DENND5A: variants seen among roughly 807,000 people sequenced by gnomAD.
DENND5A encodes DENN domain-containing protein 5A.
A neutral mutation model predicts 140.3 loss-of-function variants in DENND5A; 64 were observed. The observed-to-expected ratio is 0.46, with a 90% confidence interval of 0.37 to 0.56. The LOEUF (loss-of-function observed/expected upper bound fraction) is 0.56, where lower values mean the gene tolerates loss of function less well. Among genes scored for constraint, DENND5A ranks in the 20% least tolerant of loss-of-function variants. The pLI, the probability that DENND5A is intolerant of heterozygous loss-of-function variation, is 0.00. For synonymous variants in DENND5A, 605 were observed against 607.7 expected (o/e 1.00, Z 0.07); for missense variants, 1,292 against 1,593.8 (o/e 0.81, Z 3.22).
At chr11:9,177,254 G>GAA (rs113043034) in intron 8 of DENND5A, among the ~76,000 whole-genome samples, 2 of 65,182 alleles carry the variant, frequency 3.1e-5, no homozygotes, top group African/African-American at 5.9e-5. Flanking sequence ...ACCCTGTCTC[G>GAA]AAAAAAAAAA....
intron 8 of DENND5A, among the ~76,000 whole-genome samples, chr11:9,173,888 A>C (rs527597464): frequency 6.6e-6 from 1 of 152,208 alleles, no homozygotes; most frequent in African/African-American, 2.4e-5. Context: ...GCGGATCACG[A>C]GGTCAGGAGA....
In DENND5A at chr11:9,144,249, C is replaced by T; in HGVS notation, c.3152G>A (p.Gly1051Asp). ...KFPCGRWLGK[G>D]MDDGSLERIL... is the part of the protein sequence containing the mutation. ...CCGCTCCAGGCTTCCATCATCCATG[C>T]CCTTCCCTAACCACCGGCCACACGG... The change falls in exon 19 of 23, where the codon GGC becomes GAC. Residue 1051 changes from glycine (G) to aspartate (D), a missense_variant. By Grantham distance (94) the Gly-to-Asp change is moderately conservative (BLOSUM62 -1). Around this residue, in one of 4 missense-constraint regions of DENND5A, gnomAD observed 498 missense variants for 689.7 expected, o/e 0.72. Transcript: ENST00000328194. 1 of 1,614,090 alleles carries T rather than the reference C, an allele frequency of 6.2e-7. No homozygotes were observed. The highest frequency in any genetic ancestry group is 8.5e-7 in the Non-Finnish European group (1 of 1,180,010).
intron 1 of DENND5A, among the ~76,000 whole-genome samples, chr11:9,215,272 C>T (rs1353712292): frequency 6.6e-6 from 1 of 152,034 alleles, no homozygotes; most frequent in Non-Finnish European, 1.5e-5. Context: ...AACTCATGTA[C>T]CTAGTATTTC....
intron 1 of DENND5A, among the ~76,000 whole-genome samples, chr11:9,256,975 C>G (rs755761888): frequency 2.0e-5 from 3 of 152,110 alleles, no homozygotes; most frequent in African/African-American, 7.2e-5. Flanking sequence ...ATCGGTGAAT[C>G]TGGTTAAGAG....
At position 9,150,106 on chromosome 11, in the gene DENND5A, G is replaced by T; in HGVS notation, c.2710C>A (p.Leu904Ile). Residue 904 changes from leucine (L) to isoleucine (I), a missense_variant, in exon 15 of 23, where the codon CTC becomes ATC. By Grantham distance (5) the Leu-to-Ile change is conservative (BLOSUM62 2). Coordinates refer to ENST00000328194, the MANE Select transcript of DENND5A (RefSeq NM_015213.4). The stretch of plus-strand genomic sequence containing the variant: ...TTGGTGAGCTCATGGTCTGAGAGGA[G>T]CTGCTTCAGGTGTCTGGAAAGTAAC... Reference protein sequence around the residue: ...KKLLSRHLKQLLSDHELTKKL... With the variant: ...KKLLSRHLKQILSDHELTKKL... 6.2e-7 allele frequency: 1 copy of T among 1,613,698 alleles called. No homozygotes were observed. The highest frequency in any genetic ancestry group is 1.1e-5 in the South Asian group (1 of 91,058).
chr11:9,256,025 C>CA lies in DENND5A; in HGVS notation c.109+8935dup, dbSNP rs1164502361. 4.7e-3 allele frequency among the ~76,000 whole-genome samples: 405 copies of CA among 86,546 alleles called. 2 individuals carry two copies. The highest frequency in any genetic ancestry group is 0.011 in the Admixed American group (89 of 7,756). 56.8% of individuals were successfully genotyped at this position (86,546 alleles called of 152,430 possible). A position where few individuals can be genotyped will look rare whatever the true frequency, so the allele number is the denominator to read the frequency against. On this transcript the variant is annotated intron_variant, in intron 1 of 22. Transcript: ENST00000328194. ...TGAGCAACACGGCGAAACTCCATCT[C>CA]AAAAAAAAAAAAAAAGGTTAAACAC... is the stretch of plus-strand genomic sequence containing the variant.
intron 12 of DENND5A, among the ~76,000 whole-genome samples, chr11:9,153,961 T>C (rs1020204036): frequency 1.3e-5 from 2 of 152,252 alleles, no homozygotes; most frequent in African/African-American, 4.8e-5. Context: ...CTAATCATCG[T>C]TCAGTACATC....
At chr11:9,263,469 G>A (rs1852297998) in intron 1 of DENND5A, among the ~76,000 whole-genome samples, 2 of 151,378 alleles carry the variant, frequency 1.3e-5, no homozygotes. Context: ...TGACCCGCCC[G>A]CCTCGGCCTC....
At position 9,169,262 on chromosome 11, in the gene DENND5A, C is replaced by T. The variant is rs566528142; in HGVS notation, c.2151+594G>A. Among the ~76,000 whole-genome samples, 20 of 152,122 alleles carry T rather than the reference C, an allele frequency of 1.3e-4. No individual in the cohort carries two copies. In the South Asian group the frequency reaches 1.9e-3, roughly 14 times the overall value. On this transcript the variant is annotated intron_variant, in intron 10 of 22. Coordinates refer to ENST00000328194, the MANE Select transcript of DENND5A (RefSeq NM_015213.4). ...AGGTGTTTGAGACCAGCCTGGCCAA[C>T]GTGGTGAAACCCCGTCTCTACTAAA... is the stretch of plus-strand genomic sequence containing the variant.
At chr11:9,255,998 C>T (rs530286103) in intron 1 of DENND5A, among the ~76,000 whole-genome samples, 43 of 147,806 alleles carry the variant, frequency 2.9e-4, no homozygotes, top group Non-Finnish European at 2.5e-4. Context: ...TGCACCCCAG[C>T]GTGAGCAACA....
At chr11:9,181,208 G>C in intron 5 of DENND5A, 124 bp from the exon 6 acceptor site, 1 of 769,290 alleles carries the variant, frequency 1.3e-6, no homozygotes, top group Non-Finnish European at 2.1e-6. Context: ...TTGAGATATG[G>C]TATAAGGAAG....
intron 15 of DENND5A, among the ~76,000 whole-genome samples, chr11:9,148,103 T>C (rs554237530): frequency 1.3e-5 from 2 of 152,308 alleles, no homozygotes; most frequent in South Asian, 4.1e-4. Flanking sequence ...GGCCATGGTA[T>C]AGGACTGCTC....
intron 1 of DENND5A, among the ~76,000 whole-genome samples, chr11:9,238,347 A>ATG (rs200720856): frequency 0.03 from 3,195 of 104,804 alleles, 110 homozygotes; most frequent in African/African-American, 0.12. Flanking sequence ...GATTAAATGC[A>ATG]TGTGTGTGTG....
chr11:9,187,374 T>C (rs1390763246), intron 5 of DENND5A, among the ~76,000 whole-genome samples: 1 of 152,192 alleles, frequency 6.6e-6, no homozygotes, highest in East Asian at 1.9e-4. Context: ...GTTAACCTCC[T>C]GCCTTGTTGA....
In DENND5A at chr11:9,180,996, T is replaced by G; in HGVS notation, c.1226A>C (p.Gln409Pro). 6.2e-7 allele frequency: 1 copy of G among 1,614,216 alleles called. No homozygotes were observed. Among genetic ancestry groups the G allele is most frequent in the Non-Finnish European group, 8.5e-7 (1 of 1,180,040 alleles). Residue 409 changes from glutamine (Q) to proline (P), a missense_variant, in exon 6 of 23, where the codon CAG (glutamine) becomes CCG (proline). Physicochemically the swap from Gln to Pro is moderately conservative, Grantham distance 76 (BLOSUM62 -1). Around this residue, in one of 4 missense-constraint regions of DENND5A, gnomAD observed 566 missense variants for 650.4 expected, o/e 0.87. Coordinates refer to ENST00000328194, the MANE Select transcript of DENND5A (RefSeq NM_015213.4). ...TGCCATGAGAATCTCAGAGACTTCC[T>G]GGACAAACTCCAATTTGTTGGGGAA... ...PQFPNKLEFV[Q>P]EVSEILMAFG...
At chr11:9,209,105 A>G (rs1018306977) in intron 1 of DENND5A, among the ~76,000 whole-genome samples, 15 of 152,194 alleles carry the variant, frequency 9.9e-5, no homozygotes, top group African/African-American at 3.6e-4. Context: ...CAGTTTGTTC[A>G]TTTCTTCCTA....
intron 1 of DENND5A, among the ~76,000 whole-genome samples, chr11:9,209,742 A>G (rs1272995083): frequency 6.6e-6 from 1 of 152,176 alleles, no homozygotes; most frequent in African/African-American, 2.4e-5. Flanking sequence ...AGAGAAGGGG[A>G]TTCACAAACC....
chr11:9,264,792 A>G (rs1852368548), intron 1 of DENND5A, among the ~76,000 whole-genome samples, 169 bp downstream of exon 1: 1 of 151,976 alleles, frequency 6.6e-6, no homozygotes, highest in Non-Finnish European at 1.5e-5. Flanking sequence ...AGAGCCCCTC[A>G]TCCGTTTCCC....
intron 1 of DENND5A, among the ~76,000 whole-genome samples, chr11:9,218,599 C>T (rs1485392499): frequency 6.6e-6 from 1 of 152,022 alleles, no homozygotes; most frequent in African/African-American, 2.4e-5. Context: ...TGGAGTGTGC[C>T]TGTAGTAGGC....
Sources: allele counts gnomAD v4.1 joint callset (sites outside exome capture counted in the v4.1 genomes callset), GRCh38; gene constraint gnomAD v4.1.1; regional missense constraint gnomAD v4.1.1; transcripts MANE v1.5; gene names NCBI Gene and HGNC (gene_info 2026-07-23, HGNC 2026-07-21).